The following LRMDA variants were observed in gnomAD, a reference collection of about 807,000 sequenced individuals.
LRMDA encodes leucine-rich melanocyte differentiation-associated protein.
Under a neutral mutation model 29.8 loss-of-function variants are expected in LRMDA, and 18 were observed. The observed-to-expected ratio is 0.60, with a 90% CI of 0.42 to 0.90. The LOEUF (loss-of-function observed/expected upper bound fraction) is 0.90, where lower values mean the gene tolerates loss of function less well. Ranked by LOEUF, LRMDA falls within the 40% of genes least tolerant of loss-of-function variation. LRMDA has a pLI of 0.00. For missense variants in LRMDA, 273 were observed against 273.9 expected (o/e 1.00, Z 0.02); for synonymous variants, 125 against 109.4 (o/e 1.14, Z -0.89).
chr10:75,713,514 A>ACT lies in LRMDA; in HGVS notation c.131+275020_131+275021insCT, dbSNP rs542873673. Among the ~76,000 whole-genome samples, 233 of 152,368 alleles carry ACT rather than the reference A, an allele frequency of 1.5e-3. 2 individuals are homozygous for ACT. Among genetic ancestry groups the ACT allele is most frequent in the African/African-American group, 5.5e-3 (227 of 41,588 alleles). On this transcript the variant is annotated intron_variant, in intron 2 of 6. Coordinates refer to ENST00000611255, the MANE Select transcript of LRMDA (RefSeq NM_001305581.2). ...CCAGTTGATTCAAAGGTCTTGAATA[A>ACT]GAATTAGTGTTTTTAAAATTCCAAA...
At chr10:75,713,820 C>T (rs1221162215) in intron 2 of LRMDA, among the ~76,000 whole-genome samples, 1 of 152,080 alleles carries the variant, frequency 6.6e-6, no homozygotes, top group African/African-American at 2.4e-5. Flanking sequence ...CTTTCCTTCT[C>T]CCTCCCTGTC....
intron 2 of LRMDA, among the ~76,000 whole-genome samples, chr10:75,983,681 G>A (rs1200514267): frequency 6.6e-6 from 1 of 152,146 alleles, no homozygotes; most frequent in African/African-American, 2.4e-5. Context: ...TTGATACAGA[G>A]TCTTGCTCTG....
Position 76,376,861 on chromosome 10 carries a change from AAGTCT to A in LRMDA, c.601+52377_601+52381del, listed in dbSNP as rs1226013389. Reference sequence around the variant, plus strand: ...TTTCAAATGTTTGTTGGGCACTTGGAAGTCTTTTTTTTTTTTTTTTTTTTTTTTTT... The same window carrying A: ...TTTCAAATGTTTGTTGGGCACTTGGATTTTTTTTTTTTTTTTTTTTTTTTT... On this transcript the variant is annotated intron_variant, in intron 6 of 6. Coordinates refer to ENST00000611255, the MANE Select transcript of LRMDA (RefSeq NM_001305581.2). 2.8e-4 allele frequency among the ~76,000 whole-genome samples: 6 copies of A among 21,414 alleles called. 1 individual carries two copies. The highest frequency in any genetic ancestry group is 6.0e-4 in the African/African-American group (4 of 6,642). 14.0% of individuals were successfully genotyped at this position (21,414 alleles called of 152,430 possible).
intron 2 of LRMDA, among the ~76,000 whole-genome samples, chr10:76,019,254 G>A (rs1389686335): frequency 6.6e-6 from 1 of 152,096 alleles, no homozygotes; most frequent in Non-Finnish European, 1.5e-5. Context: ...TGTCATATGT[G>A]CATTTGTTGT....
intron 2 of LRMDA, among the ~76,000 whole-genome samples, chr10:75,584,697 G>C (rs1389795970): frequency 1.3e-5 from 2 of 152,178 alleles, no homozygotes; most frequent in Non-Finnish European, 2.9e-5. Flanking sequence ...AAACTAAACT[G>C]TGGGTAATTT....
intron 5 of LRMDA, among the ~76,000 whole-genome samples, chr10:76,060,134 C>G (rs1848681109): frequency 1.3e-5 from 2 of 152,136 alleles, no homozygotes; most frequent in African/African-American, 4.8e-5. Flanking sequence ...TGACCAAACC[C>G]AGCAAAAGTA....
intron 2 of LRMDA, among the ~76,000 whole-genome samples, chr10:75,548,877 A>T (rs1310834059): frequency 6.6e-6 from 1 of 152,096 alleles, no homozygotes; most frequent in Non-Finnish European, 1.5e-5. Flanking sequence ...CTTTTCCAGG[A>T]AGGTTAGTCA....
At position 76,528,792 on chromosome 10, in the gene LRMDA, G is replaced by T. The variant is rs1254806275; in HGVS notation, c.602-28417G>T. Among the ~76,000 whole-genome samples, 4 of 152,162 alleles carry T rather than the reference G, an allele frequency of 2.6e-5. No homozygotes were observed. The East Asian group carries it at 7.7e-4, about 29-fold the overall frequency. On this transcript the variant is annotated intron_variant, in intron 6 of 6. Coordinates refer to ENST00000611255, the MANE Select transcript of LRMDA (RefSeq NM_001305581.2). ...TATCACTAGGAACACAGGCTTCTTT[G>T]ATTTTGGTTCTATCTTCCAACAGAC...
chr10:76,257,836 T>C (rs982022910), intron 5 of LRMDA, among the ~76,000 whole-genome samples: 7 of 152,094 alleles, frequency 4.6e-5, no homozygotes, highest in African/African-American at 1.7e-4. Flanking sequence ...ACTGACTTGG[T>C]TGGGGCTGGA....
chr10:75,580,848 G>T (rs1307232905), intron 2 of LRMDA, among the ~76,000 whole-genome samples: 4 of 152,280 alleles, frequency 2.6e-5, no homozygotes, highest in African/African-American at 9.6e-5. Flanking sequence ...AATGGTGCTG[G>T]GAAAACTGGC....
chr10:75,969,209 G>A (rs1374616967), intron 2 of LRMDA, among the ~76,000 whole-genome samples: 1 of 152,146 alleles, frequency 6.6e-6, no homozygotes, highest in East Asian at 1.9e-4. Context: ...GACACTTGGA[G>A]GTTTGTCCTG....
intron 2 of LRMDA, among the ~76,000 whole-genome samples, chr10:75,632,946 G>T (rs1027221192): frequency 6.6e-6 from 1 of 151,892 alleles, no homozygotes; most frequent in African/African-American, 2.4e-5. Flanking sequence ...TCTGACAGTG[G>T]CTCCTCCCTG....
intron 2 of LRMDA, among the ~76,000 whole-genome samples, chr10:75,442,417 G>T (rs1023808618): frequency 4.6e-5 from 7 of 152,164 alleles, no homozygotes; most frequent in Non-Finnish European, 8.8e-5. Flanking sequence ...TGAGAAAAGG[G>T]ATCAATTGTT....
intron 2 of LRMDA, among the ~76,000 whole-genome samples, chr10:75,448,516 C>T (rs1459746774): frequency 6.6e-6 from 1 of 152,202 alleles, no homozygotes; most frequent in Non-Finnish European, 1.5e-5. Flanking sequence ...AGACTTTCTA[C>T]TTGCTAGACC....
At chr10:75,621,564 G>T (rs546057641) in intron 2 of LRMDA, among the ~76,000 whole-genome samples, 2 of 152,150 alleles carry the variant, frequency 1.3e-5, no homozygotes, top group East Asian at 1.9e-4. Context: ...GTGTTGCTTC[G>T]TGTGTCCCTT....
intron 2 of LRMDA, among the ~76,000 whole-genome samples, chr10:75,921,338 G>A (rs1480190080): frequency 6.6e-6 from 1 of 152,204 alleles, no homozygotes; most frequent in Admixed American, 6.5e-5. Context: ...ACATATATGT[G>A]TAGAAAGATG....
chr10:76,534,218 T>G lies in LRMDA; in HGVS notation c.602-22991T>G, dbSNP rs79533425. 3.8e-3 allele frequency among the ~76,000 whole-genome samples: 575 copies of G among 152,370 alleles called. 7 individuals are homozygous for G. Among genetic ancestry groups the G allele is most frequent in the African/African-American group, 0.013 (560 of 41,590 alleles). ...AATCATAATATCAGAGATTGCTTTT[T>G]GCTCACAAAAATCCACATTTTCTCC... On this transcript the variant is annotated intron_variant, in intron 6 of 6. Coordinates refer to ENST00000611255, the MANE Select transcript of LRMDA (RefSeq NM_001305581.2).
At chr10:76,322,134 C>T (rs1840779129) in intron 5 of LRMDA, among the ~76,000 whole-genome samples, 1 of 152,168 alleles carries the variant, frequency 6.6e-6, no homozygotes, top group Admixed American at 6.5e-5. Context: ...GCCTCAGTTT[C>T]AAGGCAAGTT....
At chr10:75,539,525 G>A (rs1839990099) in intron 2 of LRMDA, among the ~76,000 whole-genome samples, 1 of 152,124 alleles carries the variant, frequency 6.6e-6, no homozygotes, top group South Asian at 2.1e-4. Context: ...ATAAGCCTCG[G>A]TTTGGTGCAC....
Sources: allele counts gnomAD v4.1 joint callset (sites outside exome capture counted in the v4.1 genomes callset), GRCh38; gene constraint gnomAD v4.1.1; transcripts MANE v1.5; gene names NCBI Gene and HGNC (gene_info 2026-07-23, HGNC 2026-07-21).